Variants in CACNG2 observed in about 807,000 individuals in gnomAD.
CACNG2 encodes voltage-dependent calcium channel gamma-2 subunit.
Under a neutral mutation model 25.9 loss-of-function variants are expected in CACNG2, and 3 were observed. The observed-to-expected ratio is 0.12, with a 90% CI of 0.05 to 0.30. CACNG2 has a LOEUF of 0.30. CACNG2 is among the 10% of genes least tolerant of loss of function. The pLI is 1.00. For missense variants in CACNG2, 341 were observed against 432.5 expected (o/e 0.79, Z 1.88); for synonymous variants, 167 against 173.3 (o/e 0.96, Z 0.29).
At chr22:36,663,351 G>A (rs1936827738) in intron 1 of CACNG2, among the ~76,000 whole-genome samples, 1 of 152,108 alleles carries the variant, frequency 6.6e-6, no homozygotes, top group Admixed American at 6.5e-5. Context: ...GGTACTTCGA[G>A]GAAAGGGCCA....
At chr22:36,622,185 T>C (rs1936115633) in intron 1 of CACNG2, among the ~76,000 whole-genome samples, 1 of 152,234 alleles carries the variant, frequency 6.6e-6, no homozygotes, top group African/African-American at 2.4e-5. Flanking sequence ...GCCAATTGGC[T>C]CAACCAACAT....
chr22:36,702,193 T>C (rs1012708864), intron 1 of CACNG2, among the ~76,000 whole-genome samples, 173 bp downstream of exon 1: 1 of 151,840 alleles, frequency 6.6e-6, no homozygotes, highest in Non-Finnish European at 1.5e-5. Context: ...TGGGTTTTGC[T>C]TATTGATTTT....
chr22:36,603,272 A>G (rs1935780596), intron 1 of CACNG2, among the ~76,000 whole-genome samples: 2 of 152,250 alleles, frequency 1.3e-5, no homozygotes, highest in African/African-American at 4.8e-5. Context: ...TATGAAGGCT[A>G]AGAGAGGTGA....
In CACNG2 at chr22:36,703,189, C is replaced by G. The variant is rs1246258362; in HGVS notation, c.-613G>C. On this transcript the variant is annotated 5_prime_UTR_variant, in exon 1 of 4. Coordinates refer to ENST00000300105, the MANE Select transcript of CACNG2 (RefSeq NM_006078.5). ...TCCCAGTATTCTGTAAGCCCTTGAG[C>G]TCAGCTGCACAGGTGCGGGGGTCTC... is the stretch of plus-strand genomic sequence containing the variant. 1.3e-5 allele frequency: 2 copies of G among 155,242 alleles called. No homozygotes were observed. Among genetic ancestry groups the G allele is most frequent in the African/African-American group, 2.4e-5 (1 of 41,296 alleles). 9.6% of individuals were successfully genotyped at this position (155,242 alleles called of 1,614,324 possible). A position where few individuals can be genotyped will look rare whatever the true frequency, so the allele number is the denominator to read the frequency against.
chr22:36,588,299 T>C (rs1251456653), intron 1 of CACNG2, among the ~76,000 whole-genome samples: 3 of 152,234 alleles, frequency 2.0e-5, no homozygotes, highest in Non-Finnish European at 4.4e-5. Context: ...TAGGATCTTT[T>C]GACTCTAAAT....
At chr22:36,685,952 G>A (rs951121708) in intron 1 of CACNG2, among the ~76,000 whole-genome samples, 1 of 152,246 alleles carries the variant, frequency 6.6e-6, no homozygotes, top group Non-Finnish European at 1.5e-5. Context: ...AGCTTGAGGT[G>A]TGCCAGGCAC....
intron 2 of CACNG2, chr22:36,585,088 G>C (rs1740244991): frequency 6.6e-6 from 1 of 152,228 alleles, no homozygotes; most frequent in South Asian, 2.1e-4. Context: ...CACCCACCCA[G>C]TCACTTCATT....
At chr22:36,660,161 G>A (rs924397707) in intron 1 of CACNG2, among the ~76,000 whole-genome samples, 6 of 152,262 alleles carry the variant, frequency 3.9e-5, no homozygotes, top group South Asian at 2.1e-4. Flanking sequence ...TCACTAGGCC[G>A]TGAGCTCTTG....
intron 1 of CACNG2, among the ~76,000 whole-genome samples, chr22:36,699,799 G>A (rs1267593607): frequency 1.3e-5 from 2 of 152,190 alleles, no homozygotes; most frequent in African/African-American, 4.8e-5. Context: ...AGCCCCCAAG[G>A]ACTGTCTACG....
chr22:36,633,724 A>C (rs1936311139), intron 1 of CACNG2, among the ~76,000 whole-genome samples: 1 of 152,228 alleles, frequency 6.6e-6, no homozygotes. Flanking sequence ...TGAATATGTC[A>C]AGTTTATAAG....
intron 1 of CACNG2, among the ~76,000 whole-genome samples, chr22:36,595,157 TGAG>T (rs72348781): frequency 0.011 from 1,733 of 151,940 alleles, 8 homozygotes; most frequent in Middle Eastern, 0.037. Context: ...GTAGGCGTGA[TGAG>T]GAAGTGGTGG....
At chr22:36,574,485 A>G (rs1019965700) in intron 2 of CACNG2, among the ~76,000 whole-genome samples, 3 of 152,136 alleles carry the variant, frequency 2.0e-5, no homozygotes, top group Non-Finnish European at 4.4e-5. Context: ...CAGTGAGTAG[A>G]GAGTAGGGGA....
rs550593613 is a variant in CACNG2, at chr22:36,588,664, C to T, written c.212-1116G>A. Among the ~76,000 whole-genome samples, 27 of 152,308 alleles carry T rather than the reference C, an allele frequency of 1.8e-4. No individual in the cohort carries two copies. The South Asian group carries it at 5.6e-3, about 32-fold the overall frequency. On this transcript the variant is annotated intron_variant, in intron 1 of 3. Transcript: ENST00000300105. ...GGTCCAGCTGTGCATCACTCAGTGT[C>T]CTCACCTGAGAGTGGCGATAACAAG...
intron 1 of CACNG2, among the ~76,000 whole-genome samples, chr22:36,679,914 C>T (rs982917899): frequency 1.3e-5 from 2 of 152,048 alleles, no homozygotes; most frequent in Non-Finnish European, 2.9e-5. Flanking sequence ...TCCCTGTTAT[C>T]ATCACAAGCA....
At chr22:36,665,351 G>A (rs74496462) in intron 1 of CACNG2, among the ~76,000 whole-genome samples, 4,242 of 152,246 alleles carry the variant, frequency 0.028, 75 homozygotes, top group African/African-American at 0.033. Context: ...CTCCAAGTGC[G>A]GATTGAAGTA....
At chr22:36,665,737 CAAGAAAAT>C (rs1936866526) in intron 1 of CACNG2, among the ~76,000 whole-genome samples, 1 of 152,130 alleles carries the variant, frequency 6.6e-6, no homozygotes, top group Non-Finnish European at 1.5e-5. Flanking sequence ...CAACAAAAAA[CAAGAAAAT>C]AACAAGTGTT....
At chr22:36,633,545 C>A (rs529396047) in intron 1 of CACNG2, among the ~76,000 whole-genome samples, 75 of 152,324 alleles carry the variant, frequency 4.9e-4, no homozygotes, top group Admixed American at 4.9e-3. Flanking sequence ...TCACCACACT[C>A]CTGGATGTCC....
chr22:36,700,950 G>A (rs1225849563), intron 1 of CACNG2, among the ~76,000 whole-genome samples: 1 of 152,134 alleles, frequency 6.6e-6, no homozygotes, highest in Non-Finnish European at 1.5e-5. Flanking sequence ...GGGGGCATGG[G>A]ATTTGTGCTC....
At position 36,573,738 on chromosome 22, in the gene CACNG2, T is replaced by A. The variant is rs543033737; in HGVS notation, c.296-7245A>T. Among the ~76,000 whole-genome samples, 4 of 152,316 alleles carry A rather than the reference T, an allele frequency of 2.6e-5. No homozygotes were observed. In the South Asian group the frequency reaches 8.3e-4, roughly 32 times the overall value. On this transcript the variant is annotated intron_variant, in intron 2 of 3. Transcript: ENST00000300105. The stretch of plus-strand genomic sequence containing the variant: ...GAATCCAGGCAGTCTGACTCTAGGG[T>A]CTGTGTGTCTAACCACTGCATTCCC...
Sources: gnomAD v4.1 joint callset for allele counts (sites outside exome capture counted in the v4.1 genomes callset) on GRCh38, gnomAD v4.1.1 for gene constraint, MANE v1.5 for transcripts, NCBI Gene and HGNC (gene_info 2026-07-23, HGNC 2026-07-21) for gene names.